The following MAP3K7CL variants were observed in gnomAD, a reference collection of about 807,000 sequenced individuals.
MAP3K7CL encodes MAP3K7 C-terminal like, also known as MAP3K7 C-terminal-like protein.
MAP3K7CL carries 16 observed loss-of-function variants against 18.6 expected under a neutral mutation model. That is an observed-to-expected ratio of 0.86 (90% confidence interval 0.58 to 1.31). The LOEUF is 1.31. Among genes scored for constraint, MAP3K7CL ranks in the 50% most tolerant of loss-of-function variants. The pLI is 0.00. For synonymous variants in MAP3K7CL, 65 were observed against 66.8 expected (o/e 0.97, Z 0.13); for missense variants, 163 against 174.4 (o/e 0.93, Z 0.37).
At chr21:29,156,366 A>G (rs189143833) in intron 3 of MAP3K7CL, among the ~76,000 whole-genome samples, 24 of 152,336 alleles carry the variant, frequency 1.6e-4, no homozygotes, top group African/African-American at 5.8e-4. Flanking sequence ...GTTATTTTAC[A>G]GTTTTTAATT....
At chr21:29,174,343 C>A (rs1199600116) in intron 4 of MAP3K7CL, among the ~76,000 whole-genome samples, 1 of 152,160 alleles carries the variant, frequency 6.6e-6, no homozygotes, top group African/African-American at 2.4e-5. Flanking sequence ...CAAGAGAAAA[C>A]TATAGTTGTC....
chr21:29,133,279 G>A, intron 1 of MAP3K7CL, 27 bp from the exon 2 acceptor site: 2 of 1,525,392 alleles, frequency 1.3e-6, no homozygotes, highest in Non-Finnish European at 1.8e-6. Context: ...TGGATAAAGT[G>A]ACAATGGCTC....
chr21:29,113,198 A>G (rs2086449482), intron 4 of MAP3K7CL, among the ~76,000 whole-genome samples: 1 of 152,118 alleles, frequency 6.6e-6, no homozygotes, highest in Non-Finnish European at 1.5e-5. Flanking sequence ...TTGGATTGTG[A>G]CCATTTTCTC....
At chr21:29,166,508 C>T (rs1002914154) in intron 4 of MAP3K7CL, among the ~76,000 whole-genome samples, 1 of 152,230 alleles carries the variant, frequency 6.6e-6, no homozygotes, top group Non-Finnish European at 1.5e-5. Flanking sequence ...ACCAACTTCA[C>T]ATTTCCTTCA....
chr21:29,100,085 A>T (rs1047900313), intron 4 of MAP3K7CL, among the ~76,000 whole-genome samples: 4 of 115,750 alleles, frequency 3.5e-5, no homozygotes, highest in Non-Finnish European at 7.8e-5. Flanking sequence ...TCCGTCTTTA[A>T]AAAAAAAAAA....
At chr21:29,158,492 C>G (rs185289306) in intron 3 of MAP3K7CL, among the ~76,000 whole-genome samples, 1 of 152,240 alleles carries the variant, frequency 6.6e-6, no homozygotes, top group East Asian at 1.9e-4. Flanking sequence ...TAAATTTGAC[C>G]TAAATCTATT....
intron 4 of MAP3K7CL, among the ~76,000 whole-genome samples, chr21:29,125,511 G>T (rs991904250): frequency 6.6e-6 from 1 of 152,210 alleles, no homozygotes; most frequent in African/African-American, 2.4e-5. Flanking sequence ...AGTGAACTTT[G>T]ATTAGGAAAA....
intron 1 of MAP3K7CL, 98 bp from the exon 2 acceptor site, chr21:29,133,208 C>CT: frequency 1.3e-6 from 1 of 793,426 alleles, no homozygotes; most frequent in Non-Finnish European, 2.0e-6. Context: ...GTAATGCTTA[C>CT]TAACCTTAAT....
intron 4 of MAP3K7CL, among the ~76,000 whole-genome samples, chr21:29,171,820 A>C (rs1043054839): frequency 6.6e-6 from 1 of 151,442 alleles, no homozygotes; most frequent in Non-Finnish European, 1.5e-5. Flanking sequence ...AAAAAAAAAA[A>C]AAAAAAAAAC....
At chr21:29,167,916 G>A (rs1031677751) in intron 4 of MAP3K7CL, among the ~76,000 whole-genome samples, 3 of 151,914 alleles carry the variant, frequency 2.0e-5, no homozygotes, top group African/African-American at 4.8e-5. Context: ...AGCCAGGATG[G>A]TCTTGATCTC....
chr21:29,139,769 GA>G (rs2086963767), intron 2 of MAP3K7CL, among the ~76,000 whole-genome samples: 1 of 152,000 alleles, frequency 6.6e-6, no homozygotes, highest in Non-Finnish European at 1.5e-5. Context: ...ATTTTTAGTA[GA>G]GATGGGGTTT....
intron 4 of MAP3K7CL, among the ~76,000 whole-genome samples, chr21:29,105,895 CTACTCCT>C (rs2086312895): frequency 6.6e-6 from 1 of 152,142 alleles, no homozygotes; most frequent in African/African-American, 2.4e-5. Flanking sequence ...GAAAAAAATT[CTACTCCT>C]TATGAATTCT....
At chr21:29,151,040 G>A (rs1319484546) in intron 3 of MAP3K7CL, among the ~76,000 whole-genome samples, 3 of 151,644 alleles carry the variant, frequency 2.0e-5, no homozygotes, top group African/African-American at 7.3e-5. Context: ...AAAGTGCTAG[G>A]ATTGCAGGCG....
intron 4 of MAP3K7CL, among the ~76,000 whole-genome samples, chr21:29,096,863 G>C (rs2086130843): frequency 6.6e-6 from 1 of 152,098 alleles, no homozygotes; most frequent in African/African-American, 2.4e-5. Flanking sequence ...CCCCATTTCA[G>C]GAGCGCTTCC....
chr21:29,136,541 T>G (rs2086890422), intron 2 of MAP3K7CL, among the ~76,000 whole-genome samples: 1 of 152,144 alleles, frequency 6.6e-6, no homozygotes, highest in Non-Finnish European at 1.5e-5. Context: ...TATTTTTTTT[T>G]TGAGACAGAG....
intron 4 of MAP3K7CL, among the ~76,000 whole-genome samples, chr21:29,104,376 C>T (rs1485907104): frequency 1.3e-5 from 2 of 152,102 alleles, no homozygotes; most frequent in East Asian, 3.9e-4. Flanking sequence ...ACTTTCCCTA[C>T]CTTTAAATGA....
chr21:29,092,368 C>T, intron 3 of MAP3K7CL: 1 of 1,561,736 alleles, frequency 6.4e-7, no homozygotes, highest in Non-Finnish European at 8.8e-7. Flanking sequence ...AAAAAAAGAA[C>T]TGACATCAAA....
At chr21:29,170,718 C>A (rs1248702063) in intron 4 of MAP3K7CL, among the ~76,000 whole-genome samples, 2 of 151,660 alleles carry the variant, frequency 1.3e-5, no homozygotes, top group Non-Finnish European at 2.9e-5. Context: ...CGGCTCACTG[C>A]AGCTCCACCT....
chr21:29,111,687 C>T (rs1293371426), intron 4 of MAP3K7CL, among the ~76,000 whole-genome samples: 2 of 152,134 alleles, frequency 1.3e-5, no homozygotes, highest in Non-Finnish European at 2.9e-5. Flanking sequence ...AAGCCTAACT[C>T]TGGGGTGAGG....
Sources: allele counts gnomAD v4.1 joint callset (sites outside exome capture counted in the v4.1 genomes callset), GRCh38; gene constraint gnomAD v4.1.1; transcripts MANE v1.5; gene names NCBI Gene and HGNC (gene_info 2026-07-23, HGNC 2026-07-21).